The following CS variants were observed in gnomAD, a reference collection of about 807,000 sequenced individuals.
The protein encoded by CS is citrate synthase.
CS carries 13 observed loss-of-function variants against 61.4 expected under a neutral mutation model. The observed-to-expected ratio is 0.21, with a 90% CI of 0.14 to 0.34. The LOEUF is 0.34. Ranked by LOEUF, CS falls within the 10% of genes least tolerant of loss-of-function variation. The pLI, the probability that CS is intolerant of heterozygous loss-of-function variation, is 1.00. For missense variants in CS, 278 were observed against 573.4 expected (o/e 0.48, Z 5.26); for synonymous variants, 159 against 215.2 (o/e 0.74, Z 2.29).
chr12:56,285,817 T>C (rs1400121552), intron 3 of CS, 99 bp downstream of exon 3: 12 of 962,440 alleles, frequency 1.2e-5, no homozygotes, highest in Admixed American at 1.0e-4. Flanking sequence ...ACAGGGCCTA[T>C]GGGACAGAAT....
intron 1 of CS, among the ~76,000 whole-genome samples, chr12:56,287,822 T>A (rs972258985): frequency 6.6e-6 from 1 of 151,468 alleles, no homozygotes; most frequent in East Asian, 1.9e-4. Flanking sequence ...GCTTGGCTAA[T>A]TTTTTTTGTA....
chr12:56,273,731 C>T lies in CS; in HGVS notation c.1086G>A (p.Glu362=). ...KTDPRYTCQR[E]FALKHLPNDP... ...CATTAGGCAGGTGTTTCAGAGCAAA[C>T]TCTCGCTGACAGGTATATCGCGGAT... Residue 362 remains glutamate (E), a synonymous_variant, in exon 10 of 11, where the codon GAG becomes GAA. Transcript: ENST00000351328. 1.9e-6 allele frequency: 3 copies of T among 1,614,228 alleles called. No homozygotes were observed. The highest frequency in any genetic ancestry group is 2.5e-6 in the Non-Finnish European group (3 of 1,180,036).
chr12:56,273,395 CTG>C, intron 10 of CS, 141 bp from the exon 11 acceptor site: 1 of 1,009,978 alleles, frequency 9.9e-7, no homozygotes, highest in Non-Finnish European at 1.5e-6. Context: ...AGAAATGACA[CTG>C]AGAAAAGTAT....
In CS at chr12:56,272,865, G is replaced by A. The variant is rs940749848; in HGVS notation, c.*219C>T. Reference sequence around the variant, plus strand: ...GGTCATCCTCCAGGACCATGCGTATGATGGGCAACTCATACCAGGCAGGGG... The same window carrying A: ...GGTCATCCTCCAGGACCATGCGTATAATGGGCAACTCATACCAGGCAGGGG... On this transcript the variant is annotated 3_prime_UTR_variant, in exon 11 of 11. Transcript: ENST00000351328. The A allele has an allele frequency of 5.9e-5, 29 of 495,266 alleles. No individual in the cohort carries two copies. In the Admixed American group the frequency reaches 8.5e-4, roughly 15 times the overall value. 30.7% of individuals were successfully genotyped at this position (495,266 alleles called of 1,614,324 possible). A position where few individuals can be genotyped will look rare whatever the true frequency, so the allele number is the denominator to read the frequency against.
intron 1 of CS, among the ~76,000 whole-genome samples, chr12:56,296,064 G>GAAGGTA (rs1873297078): frequency 6.6e-6 from 1 of 151,338 alleles, no homozygotes; most frequent in Non-Finnish European, 1.5e-5. Context: ...TTGCAGAATT[G>GAAGGTA]TAATCTGAAG....
At position 56,299,412 on chromosome 12, in the gene CS, T is replaced by C. The variant is rs779075160; in HGVS notation, c.42+748A>G. 1.4e-3 allele frequency among the ~76,000 whole-genome samples: 217 copies of C among 152,366 alleles called. 2 individuals carry two copies. Among genetic ancestry groups the C allele is most frequent in the Non-Finnish European group, 2.4e-3 (162 of 68,038 alleles). ...CGGCATAACCTGGGTAAGCAAGTAG[T>C]ATGACGGTCATGTGACCTTGGCATT... On this transcript the variant is annotated intron_variant, in intron 1 of 10. Coordinates refer to ENST00000351328, the MANE Select transcript of CS (RefSeq NM_004077.3).
At chr12:56,299,845 G>A (rs1166118731) in intron 1 of CS, 3 of 327,426 alleles carry the variant, frequency 9.2e-6, no homozygotes, top group South Asian at 2.8e-5. Context: ...TCCTGTCTCG[G>A]CTCCTTGCTA....
chr12:56,289,466 G>A (rs541696632), intron 1 of CS, among the ~76,000 whole-genome samples: 4 of 150,716 alleles, frequency 2.7e-5, no homozygotes, highest in African/African-American at 4.9e-5. Context: ...TTTTTGAGAC[G>A]GAGTCCCGCT....
chr12:56,286,207 G>C (rs1390627736), intron 2 of CS, 184 bp from the exon 3 acceptor site: 5 of 590,896 alleles, frequency 8.5e-6, no homozygotes, highest in Non-Finnish European at 1.5e-5. Flanking sequence ...AGGAGTTAAT[G>C]TTTAATGGGA....
rs1174394885 is a variant in CS, at chr12:56,272,289, T to C, written c.*795A>G. 1 of 179,866 alleles carries C rather than the reference T, an allele frequency of 5.6e-6. No homozygotes were observed. Among genetic ancestry groups the C allele is most frequent in the Non-Finnish European group, 1.2e-5 (1 of 84,572 alleles). The allele number at this position is 179,866 out of a possible 1,614,324, so 11.1% of individuals were successfully genotyped here. On this transcript the variant is annotated 3_prime_UTR_variant, in exon 11 of 11. Transcript: ENST00000351328. ...TGGAAGTAAAAAACTTAGTTCACAT[T>C]AAGCACTGATAAAACCCAATGACTG...
chr12:56,299,423 T>C (rs1363842644), intron 1 of CS, among the ~76,000 whole-genome samples: 1 of 152,230 alleles, frequency 6.6e-6, no homozygotes, highest in Non-Finnish European at 1.5e-5. Context: ...ATGACGGTCA[T>C]GTGACCTTGG....
chr12:56,294,936 T>G (rs1242464459), intron 1 of CS, among the ~76,000 whole-genome samples: 1 of 152,006 alleles, frequency 6.6e-6, no homozygotes, highest in African/African-American at 2.4e-5. Context: ...TGGCTGATTT[T>G]TGTATTTTTA....
chr12:56,295,341 T>C (rs1186117247), intron 1 of CS, among the ~76,000 whole-genome samples: 1 of 150,764 alleles, frequency 6.6e-6, no homozygotes, highest in African/African-American at 2.4e-5. Flanking sequence ...GCCAACATGG[T>C]GAAACCCCAT....
rs1224207398 is a variant in CS, at chr12:56,288,960, C to T, written c.43-2315G>A. On this transcript the variant is annotated intron_variant, in intron 1 of 10. Transcript: ENST00000351328. ...ACAGGTATGCACCACTGCACCCAGA[C>T]AGAAAAGATTACTTTTAAAAGAATC... 3.9e-5 allele frequency among the ~76,000 whole-genome samples: 6 copies of T among 152,198 alleles called. No homozygotes were observed. The South Asian group carries it at 6.2e-4, about 16-fold the overall frequency.
At chr12:56,300,108 G>C in intron 1 of CS, 52 bp downstream of exon 1, 1 of 1,532,086 alleles carries the variant, frequency 6.5e-7, no homozygotes, top group East Asian at 2.5e-5. Context: ...GAGGGCCTGC[G>C]GTCGCCTCAG....
chr12:56,278,175 G>A (rs1041261562), intron 6 of CS, among the ~76,000 whole-genome samples: 2 of 152,164 alleles, frequency 1.3e-5, no homozygotes, highest in African/African-American at 4.8e-5. Flanking sequence ...CTGTCGCCCA[G>A]GCTGGAGTGC....
chr12:56,273,354 C>G (rs1565618602), intron 10 of CS, 100 bp from the exon 11 acceptor site: 1 of 1,260,746 alleles, frequency 7.9e-7, no homozygotes, highest in Non-Finnish European at 1.1e-6. Flanking sequence ...TTCCATTTTT[C>G]TCCAAGGACT....
intron 10 of CS, 53 bp downstream of exon 10, chr12:56,273,534 T>C: frequency 1.3e-6 from 2 of 1,560,322 alleles, no homozygotes; most frequent in Non-Finnish European, 1.8e-6. Flanking sequence ...GCATGGCAGA[T>C]AACAATAGGG....
intron 3 of CS, 59 bp downstream of exon 3, chr12:56,285,857 A>T: frequency 7.6e-7 from 1 of 1,313,400 alleles, no homozygotes; most frequent in Non-Finnish European, 1.1e-6. Context: ...AGAGAATGTT[A>T]CTTTTGTTGA....
Sources: gnomAD v4.1 joint callset for allele counts (sites outside exome capture counted in the v4.1 genomes callset) on GRCh38, gnomAD v4.1.1 for gene constraint, MANE v1.5 for transcripts, NCBI Gene and HGNC (gene_info 2026-07-23, HGNC 2026-07-21) for gene names.